TRAPPC8: variants seen among roughly 807,000 people sequenced by gnomAD.
TRAPPC8 encodes the protein general sporulation gene 1 homolog.
Under a neutral mutation model 174.3 loss-of-function variants are expected in TRAPPC8, and 54 were observed. The ratio of observed to expected loss-of-function variants is 0.31; its 90% CI spans 0.25 to 0.39. TRAPPC8 has a LOEUF of 0.39. TRAPPC8 is among the 10% of genes least tolerant of loss of function. The probability of loss-of-function intolerance (pLI) is 1.00; values close to 1 mark genes in which losing one functional copy is unlikely to be tolerated. For missense variants in TRAPPC8, 1,531 were observed against 1,699.1 expected (o/e 0.90, Z 1.74); for synonymous variants, 630 against 579.9 (o/e 1.09, Z -1.24).
intron 17 of TRAPPC8, 136 bp downstream of exon 17, chr18:31,867,266 T>C: frequency 4.1e-6 from 3 of 729,136 alleles, no homozygotes; most frequent in Non-Finnish European, 6.8e-6. Flanking sequence ...CCTGAGCAAT[T>C]CCTATGTCCT....
At chr18:31,856,976 G>A (rs12454168) in intron 20 of TRAPPC8, among the ~76,000 whole-genome samples, 1 of 151,842 alleles carries the variant, frequency 6.6e-6, no homozygotes, top group Non-Finnish European at 1.5e-5. Flanking sequence ...GACAATGGAG[G>A]TATCAAAAGA....
chr18:31,878,123 G>T (rs2035254264), intron 12 of TRAPPC8, among the ~76,000 whole-genome samples: 1 of 152,058 alleles, frequency 6.6e-6, no homozygotes, highest in African/African-American at 2.4e-5. Flanking sequence ...AGTGTACTCT[G>T]GTCAGAGCCT....
In TRAPPC8 at chr18:31,853,878, T is replaced by C; in HGVS notation, c.3404A>G (p.Gln1135Arg). The change falls in exon 22 of 29, where the codon CAG becomes CGG. Residue 1135 changes from glutamine (Q) to arginine (R), a missense_variant. Physicochemically the swap from Gln to Arg is conservative, Grantham distance 43 (BLOSUM62 1). Transcript: ENST00000283351. ...GTTTTCAGAAAGATTTACAGATTTC[T>C]GTAACTTCCAGTGTTTGCTACTACT... ...VSSSSKHWKL[Q>R]KSVNLSENKD... 6.2e-7 allele frequency: 1 copy of C among 1,610,836 alleles called. No individual in the cohort carries two copies. The highest frequency in any genetic ancestry group is 2.2e-5 in the East Asian group (1 of 44,768).
At chr18:31,848,275 C>A (rs2033513378) in intron 25 of TRAPPC8, among the ~76,000 whole-genome samples, 1 of 152,006 alleles carries the variant, frequency 6.6e-6, no homozygotes, top group Admixed American at 6.6e-5. Flanking sequence ...CAGCAGTGGG[C>A]TTTAGGTTCA....
chr18:31,874,716 T>A lies in TRAPPC8; in HGVS notation c.1729-12A>T, dbSNP rs750148156. 1 of 1,605,100 alleles carries A rather than the reference T, an allele frequency of 6.2e-7. No individual in the cohort carries two copies. Among genetic ancestry groups the A allele is most frequent in the Admixed American group, 1.7e-5 (1 of 58,752 alleles). On this transcript the variant is annotated splice_polypyrimidine_tract_variant and intron_variant, in intron 12 of 28. Coordinates refer to ENST00000283351, the MANE Select transcript of TRAPPC8 (RefSeq NM_014939.5). The stretch of plus-strand genomic sequence containing the variant: ...AAAGCATGCTTTTTCTGTAAGAAAA[T>A]AAACAAAATAATGTATTATACTCCA...
intron 27 of TRAPPC8, among the ~76,000 whole-genome samples, chr18:31,835,459 C>T (rs2032655427): frequency 6.6e-6 from 1 of 152,166 alleles, no homozygotes; most frequent in Non-Finnish European, 1.5e-5. Context: ...CTGGACCTAT[C>T]ATCTCCATAA....
chr18:31,902,965 C>T (rs148087557), intron 9 of TRAPPC8, among the ~76,000 whole-genome samples: 8,976 of 151,264 alleles, frequency 0.059, 283 homozygotes, highest in Middle Eastern at 0.11. Context: ...AGGAGAATGG[C>T]GTGAACCCCG....
At position 31,830,617 on chromosome 18, in the gene TRAPPC8, C is replaced by T; in HGVS notation, c.*138G>A. On this transcript the variant is annotated 3_prime_UTR_variant, in exon 29 of 29. Transcript: ENST00000283351. ...AGTCCAACGTGCTTTGCATCATCAA[C>T]AAAATGACAAGTCAAAGTATTTTGC... 2 of 701,762 alleles carry T rather than the reference C, an allele frequency of 2.8e-6. No homozygotes were observed. The highest frequency in any genetic ancestry group is 4.0e-5 in the South Asian group (2 of 50,204). 43.5% of individuals were successfully genotyped at this position (701,762 alleles called of 1,614,324 possible).
intron 3 of TRAPPC8, 95 bp from the exon 4 acceptor site, chr18:31,916,541 G>A: frequency 7.8e-7 from 1 of 1,284,896 alleles, no homozygotes; most frequent in Non-Finnish European, 1.0e-6. Flanking sequence ...TTGTTTGTTT[G>A]TTTGTTTCTG....
At position 31,864,797 on chromosome 18, in the gene TRAPPC8, A is replaced by G. The variant is rs753214692; in HGVS notation, c.2591-16T>C. 3.8e-6 allele frequency: 6 copies of G among 1,595,940 alleles called. No individual in the cohort carries two copies. In the Admixed American group the frequency reaches 8.9e-5, roughly 24 times the overall value. On this transcript the variant is annotated splice_polypyrimidine_tract_variant and intron_variant, in intron 18 of 28. Coordinates refer to ENST00000283351, the MANE Select transcript of TRAPPC8 (RefSeq NM_014939.5). ...GAATATTTTCCTGAAATAAAAAACAATCAATGCCCTAAAATAATTTGGTAT... is the reference window on the plus strand; with the variant it reads ...GAATATTTTCCTGAAATAAAAAACAGTCAATGCCCTAAAATAATTTGGTAT...
intron 10 of TRAPPC8, among the ~76,000 whole-genome samples, chr18:31,898,684 A>C (rs538445193): frequency 6.6e-6 from 1 of 152,172 alleles, no homozygotes; most frequent in Non-Finnish European, 1.5e-5. Flanking sequence ...TTGATTCCTG[A>C]TCCAATTTTA....
At chr18:31,898,974 G>A (rs2036295763) in intron 10 of TRAPPC8, among the ~76,000 whole-genome samples, 1 of 152,214 alleles carries the variant, frequency 6.6e-6, no homozygotes, top group African/African-American at 2.4e-5. Flanking sequence ...ACGATGAACA[G>A]TATTTATTTT....
intron 11 of TRAPPC8, among the ~76,000 whole-genome samples, chr18:31,893,058 A>G (rs536081301): frequency 2.7e-5 from 4 of 150,496 alleles, no homozygotes; most frequent in Non-Finnish European, 5.9e-5. Context: ...CTTGTTCCTT[A>G]ACATACATTT....
intron 1 of TRAPPC8, among the ~76,000 whole-genome samples, chr18:31,933,873 C>T (rs7229979): frequency 0.62 from 93,406 of 151,816 alleles, 29,165 homozygotes; most frequent in South Asian, 0.75. Context: ...ATATTGTAAA[C>T]ATAAATATAG....
chr18:31,909,075 A>G, intron 6 of TRAPPC8, 65 bp from the exon 7 acceptor site: 1 of 1,399,332 alleles, frequency 7.1e-7, no homozygotes. Flanking sequence ...TAATACTACC[A>G]TACTGCTAAA....
chr18:31,917,451 T>A, intron 3 of TRAPPC8, 127 bp downstream of exon 3: 1 of 794,316 alleles, frequency 1.3e-6, no homozygotes, highest in Non-Finnish European at 2.0e-6. Context: ...CTCCGTGTAT[T>A]GTCAATCTAT....
chr18:31,834,110 GTTGTTT>G (rs1484400082), intron 27 of TRAPPC8, among the ~76,000 whole-genome samples: 2 of 139,360 alleles, frequency 1.4e-5, no homozygotes, highest in East Asian at 4.9e-4. Context: ...TGTTGTTGTT[GTTGTTT>G]TTTATTCTTT....
chr18:31,898,831 T>C (rs1255828789), intron 10 of TRAPPC8, among the ~76,000 whole-genome samples: 2 of 152,234 alleles, frequency 1.3e-5, no homozygotes, highest in Admixed American at 6.5e-5. Flanking sequence ...GGAATCCTAT[T>C]GCTGGCAAAC....
At chr18:31,916,144 T>C (rs12968487) in intron 4 of TRAPPC8, 128 bp downstream of exon 4, 17 of 618,574 alleles carry the variant, frequency 2.7e-5, no homozygotes, top group Non-Finnish European at 4.0e-5. Context: ...AAATGCTTTA[T>C]TAATAAAATT....
Sources: allele counts gnomAD v4.1 joint callset (sites outside exome capture counted in the v4.1 genomes callset), GRCh38; gene constraint gnomAD v4.1.1; transcripts MANE v1.5; gene names NCBI Gene and HGNC (gene_info 2026-07-23, HGNC 2026-07-21).